The following ASTN2 variants were observed in gnomAD, a reference collection of about 807,000 sequenced individuals.
ASTN2 encodes the protein astrotactin-2.
A neutral mutation model predicts 139.8 loss-of-function variants in ASTN2; 54 were observed. That is an observed-to-expected ratio of 0.39 (90% CI 0.31 to 0.48). The LOEUF (loss-of-function observed/expected upper bound fraction) is 0.48. Among genes scored for constraint, ASTN2 ranks in the 20% least tolerant of loss-of-function variants. The pLI, the probability that ASTN2 is intolerant of heterozygous loss-of-function variation, is 0.95. For synonymous variants in ASTN2, 756 were observed against 719.5 expected (o/e 1.05, Z -0.81); for missense variants, 1,565 against 1,725.1 (o/e 0.91, Z 1.64).
chr9:116,596,766 G>T (rs1342770623), intron 19 of ASTN2, among the ~76,000 whole-genome samples: 1 of 152,120 alleles, frequency 6.6e-6, no homozygotes, highest in Non-Finnish European at 1.5e-5. Context: ...CTGATATTTA[G>T]GTAGTCAGGA....
chr9:116,815,929 CA>C (rs1320382635), intron 12 of ASTN2, among the ~76,000 whole-genome samples: 1 of 143,694 alleles, frequency 7.0e-6, no homozygotes, highest in African/African-American at 2.6e-5. Context: ...GAAAACAAAA[CA>C]AAACAAAAAA....
At chr9:116,964,644 C>G (rs144451477) in intron 10 of ASTN2, among the ~76,000 whole-genome samples, 14 of 152,188 alleles carry the variant, frequency 9.2e-5, no homozygotes, top group East Asian at 1.9e-4. Context: ...TTTAAACAAG[C>G]CTTTGAAACT....
intron 4 of ASTN2, among the ~76,000 whole-genome samples, chr9:117,126,409 A>G (rs1166964030): frequency 6.6e-6 from 1 of 152,248 alleles, no homozygotes; most frequent in East Asian, 1.9e-4. Flanking sequence ...GTCTCTGAAC[A>G]TCCATTTCTT....
intron 6 of ASTN2, 74 bp from the exon 7 acceptor site, chr9:117,008,333 G>C (rs555875208): frequency 7.2e-7 from 1 of 1,387,594 alleles, no homozygotes; most frequent in South Asian, 1.6e-5. Context: ...AACACAGAAA[G>C]GTGTGTACAA....
At chr9:116,637,261 G>T (rs1400949262) in intron 17 of ASTN2, among the ~76,000 whole-genome samples, 3 of 152,190 alleles carry the variant, frequency 2.0e-5, no homozygotes, top group African/African-American at 7.2e-5. Context: ...AATCAACTGA[G>T]ACCTAAAATA....
In ASTN2 at chr9:116,698,329, A is replaced by G; in HGVS notation, c.2806+27442T>C. The G allele has an allele frequency of 6.2e-7, 1 of 1,614,194 alleles. No homozygotes were observed. The highest frequency in any genetic ancestry group is 8.5e-7 in the Non-Finnish European group (1 of 1,180,042). The stretch of plus-strand genomic sequence containing the variant: ...TATGGGCATGAGGAGCGCAGGGTCC[A>G]GGATGAGCTGGCTCGCTCTCGGAAG... On this transcript the variant is annotated intron_variant, in intron 16 of 22. Coordinates refer to ENST00000313400, the MANE Select transcript of ASTN2 (RefSeq NM_001365068.1). This position sits in a 1 kb window ranked among gnomAD's most constrained non-coding sequence, Gnocchi z 4.4.
chr9:117,125,454 A>G (rs1373541793), intron 4 of ASTN2, among the ~76,000 whole-genome samples: 3 of 152,314 alleles, frequency 2.0e-5, no homozygotes, highest in African/African-American at 7.2e-5. Flanking sequence ...CTCTATCCCT[A>G]TATGTAGCCA....
chr9:116,570,629 C>T (rs750909506), intron 19 of ASTN2, among the ~76,000 whole-genome samples: 38 of 152,178 alleles, frequency 2.5e-4, no homozygotes, highest in Non-Finnish European at 3.7e-4. Flanking sequence ...GATCTCCTGA[C>T]CTCGTGATCC....
At chr9:116,807,637 G>A (rs952494855) in intron 12 of ASTN2, among the ~76,000 whole-genome samples, 1 of 152,214 alleles carries the variant, frequency 6.6e-6, no homozygotes, top group Admixed American at 6.5e-5. Flanking sequence ...GAAGTGAATC[G>A]TACATGGTGA....
chr9:116,463,625 A>C (rs895792690), intron 20 of ASTN2, among the ~76,000 whole-genome samples: 5 of 152,092 alleles, frequency 3.3e-5, no homozygotes, highest in African/African-American at 1.2e-4. Flanking sequence ...GCCTTCTCTG[A>C]CAGTTGAATT....
intron 17 of ASTN2, among the ~76,000 whole-genome samples, chr9:116,644,255 C>CAG (rs1384524316): frequency 6.6e-6 from 1 of 152,026 alleles, no homozygotes; most frequent in Non-Finnish European, 1.5e-5. Context: ...GCTTTTCTGG[C>CAG]AGAGAGAAAG....
intron 3 of ASTN2, among the ~76,000 whole-genome samples, chr9:117,149,101 C>T (rs1052424721): frequency 5.9e-5 from 9 of 152,038 alleles, no homozygotes; most frequent in Admixed American, 1.3e-4. Context: ...CTCACTGCAA[C>T]CACTGCCTCC....
intron 11 of ASTN2, among the ~76,000 whole-genome samples, chr9:116,829,223 G>A (rs909035203): frequency 1.3e-5 from 2 of 151,226 alleles, no homozygotes; most frequent in African/African-American, 4.9e-5. Context: ...CAAAATGAAC[G>A]AAGCTAGAAA....
At position 116,583,027 on chromosome 9, in the gene ASTN2, A is replaced by C. The variant is rs573138485; in HGVS notation, c.3355+35297T>G. The C allele has an allele frequency of 5.3e-5, 8 of 152,344 alleles. No individual in the cohort carries two copies. In the East Asian group the frequency reaches 1.5e-3, roughly 29 times the overall value. 9.4% of individuals were successfully genotyped at this position (152,344 alleles called of 1,614,324 possible). On this transcript the variant is annotated intron_variant, in intron 19 of 22. Transcript: ENST00000313400. ...TAGGCCCTGCTCTCCTGGAGCTTGCAGATATTAATCAAATTATCACACTGA... is the reference window on the plus strand; with the variant it reads ...TAGGCCCTGCTCTCCTGGAGCTTGCCGATATTAATCAAATTATCACACTGA...
At chr9:116,736,849 G>A (rs1178247577) in intron 13 of ASTN2, among the ~76,000 whole-genome samples, 1 of 152,110 alleles carries the variant, frequency 6.6e-6, no homozygotes, top group Non-Finnish European at 1.5e-5. Flanking sequence ...TTCTCTATCC[G>A]CATGTCCCTC....
At chr9:117,187,721 C>T (rs1013988372) in intron 3 of ASTN2, among the ~76,000 whole-genome samples, 11 of 152,270 alleles carry the variant, frequency 7.2e-5, no homozygotes, top group African/African-American at 2.2e-4. Flanking sequence ...AGATGCAGCC[C>T]TCCTACCTTG....
Position 116,948,698 on chromosome 9 carries a change from AGTGTGT to A in ASTN2, c.1889+26504_1889+26509del, listed in dbSNP as rs112233837. Among the ~76,000 whole-genome samples the A allele has an allele frequency of 7.7e-3, 1,035 of 135,270 alleles. 8 individuals are homozygous for A. Among genetic ancestry groups the A allele is most frequent in the Non-Finnish European group, 9.8e-3 (630 of 64,478 alleles). 88.7% of individuals were successfully genotyped at this position (135,270 alleles called of 152,430 possible). ...AGATAGAGTTTGACTTATATGTGTG[AGTGTGT>A]GTGTGTGTGTGTGTGTGTGTGTGTG... On this transcript the variant is annotated intron_variant, in intron 10 of 22. Transcript: ENST00000313400.
At position 117,338,733 on chromosome 9, in the gene ASTN2, A is replaced by AT. The variant is rs568536584; in HGVS notation, c.443-47221dup. On this transcript the variant is annotated intron_variant, in intron 1 of 22. Transcript: ENST00000313400. ...GGATTATTGGGTTGGTGCAAAAGTA[A>AT]TTTTTTTTTTTGCCATTATCTTTTT... Among the ~76,000 whole-genome samples the AT allele has an allele frequency of 1.6e-3, 231 of 147,268 alleles. 1 individual carries two copies. The highest frequency in any genetic ancestry group is 3.4e-3 in the African/African-American group (136 of 40,236).
chr9:116,967,437 A>G (rs1430310661), intron 10 of ASTN2, among the ~76,000 whole-genome samples: 2 of 152,128 alleles, frequency 1.3e-5, no homozygotes, highest in African/African-American at 4.8e-5. Flanking sequence ...ACCCTTTGGG[A>G]AAGGAACATT....
Sources: allele counts gnomAD v4.1 joint callset (sites outside exome capture counted in the v4.1 genomes callset), GRCh38; gene constraint gnomAD v4.1.1; non-coding constraint Gnocchi (gnomAD v3.1); transcripts MANE v1.5; gene names NCBI Gene and HGNC (gene_info 2026-07-23, HGNC 2026-07-21).